The following SRGAP2 variants were observed in gnomAD, a reference collection of about 807,000 sequenced individuals.
The protein encoded by SRGAP2 is SLIT-ROBO Rho GTPase-activating protein 2.
A neutral mutation model predicts 57.2 loss-of-function variants in SRGAP2; 15 were observed. That is an observed-to-expected ratio of 0.26 (90% CI 0.18 to 0.40). The LOEUF is 0.40. SRGAP2 is among the 10% of genes least tolerant of loss of function. The pLI, the probability that SRGAP2 is intolerant of heterozygous loss-of-function variation, is 1.00. For missense variants in SRGAP2, 520 were observed against 669.6 expected (o/e 0.78, Z 2.47); for synonymous variants, 249 against 248.0 (o/e 1.00, Z -0.04).
At position 206,372,989 on chromosome 1, in the gene SRGAP2, CTTTCTTTCTT is replaced by C. The variant is rs1553342976; in HGVS notation, c.424-11023_424-11014del. On this transcript the variant is annotated intron_variant, in intron 4 of 22. Transcript: ENST00000573034. ...CCTTTCTTTCTTTCTTTCTTTCTTTCTTTCTTTCTTTCTTTCTTTCTTTCTTTCTTTCTTT... is the reference window on the plus strand; with the variant it reads ...CCTTTCTTTCTTTCTTTCTTTCTTTCTCTTTCTTTCTTTCTTTCTTTCTTT... Among the ~76,000 whole-genome samples, 103 of 91,412 alleles carry C rather than the reference CTTTCTTTCTT, an allele frequency of 1.1e-3. 4 individuals carry two copies. Among genetic ancestry groups the C allele is most frequent in the African/African-American group, 4.6e-3 (102 of 21,948 alleles). The allele number at this position is 91,412 out of a possible 152,430, so 60.0% of individuals were successfully genotyped here.
chr1:206,366,647 A>G (rs1654040627), intron 4 of SRGAP2, among the ~76,000 whole-genome samples: 1 of 152,132 alleles, frequency 6.6e-6, no homozygotes, highest in Non-Finnish European at 1.5e-5. Flanking sequence ...GAAGGGATCA[A>G]GAAGCGATTT....
chr1:206,454,968 G>T lies in SRGAP2; in HGVS notation c.2451G>T (p.Gly817=), dbSNP rs375957634. Reference sequence around the variant, plus strand: ...AAGAAAAGGTGACAGCCAGAGCGGGGGCCAGCTGTCCCAGTGGGGGTCATG... The same window carrying T: ...AAGAAAAGGTGACAGCCAGAGCGGGTGCCAGCTGTCCCAGTGGGGGTCATG... ...PPEEKVTARA[G]ASCPSGGHVA... The change falls in exon 21 of 23, where the codon GGG becomes GGT. Residue 817 remains glycine, a synonymous_variant. Coordinates refer to ENST00000573034, the MANE Select transcript of SRGAP2 (RefSeq NM_015326.5). The surrounding 1 kb of genome is among the most constrained non-coding windows in gnomAD (Gnocchi z 4.3). The T allele has an allele frequency of 1.5e-5, 12 of 780,848 alleles. No homozygotes were observed. In the African/African-American group the frequency reaches 2.0e-4, roughly 13 times the overall value. 48.4% of individuals were successfully genotyped at this position (780,848 alleles called of 1,614,324 possible).
intron 2 of SRGAP2, among the ~76,000 whole-genome samples, chr1:206,239,995 G>A (rs1237787920): frequency 2.0e-5 from 3 of 151,652 alleles, no homozygotes; most frequent in African/African-American, 4.9e-5. Flanking sequence ...GCCAGGCACG[G>A]TGGCTCACGC....
intron 2 of SRGAP2, among the ~76,000 whole-genome samples, chr1:206,267,350 G>A (rs1190484690): frequency 1.3e-5 from 2 of 151,662 alleles, no homozygotes; most frequent in Non-Finnish European, 2.9e-5. Context: ...CTTTGGCTTT[G>A]GGTTGCTATT....
intron 2 of SRGAP2, among the ~76,000 whole-genome samples, chr1:206,291,543 A>C (rs1671320335): frequency 6.6e-6 from 1 of 151,836 alleles, no homozygotes; most frequent in African/African-American, 2.4e-5. Flanking sequence ...TTAAAATCCA[A>C]GTTTTTCTGA....
intron 2 of SRGAP2, among the ~76,000 whole-genome samples, chr1:206,281,295 T>C (rs1252590067): frequency 4.2e-5 from 6 of 142,924 alleles, no homozygotes; most frequent in South Asian, 2.1e-4. Context: ...GGTTTTTTTT[T>C]CTAAAATTTG....
intron 13 of SRGAP2, among the ~76,000 whole-genome samples, chr1:206,424,058 G>T (rs2103260359): frequency 6.7e-6 from 1 of 150,170 alleles, no homozygotes; most frequent in Non-Finnish European, 1.5e-5. Context: ...CTCCCAAAGT[G>T]CTGGGATTAT....
chr1:206,214,030 G>C (rs1666483570), intron 2 of SRGAP2, among the ~76,000 whole-genome samples: 1 of 143,850 alleles, frequency 7.0e-6, no homozygotes, highest in Admixed American at 6.8e-5. Context: ...AGAGGGGCTA[G>C]AGGCTCCCAC....
chr1:206,420,866 T>C (rs1660240808), intron 12 of SRGAP2, among the ~76,000 whole-genome samples: 1 of 152,198 alleles, frequency 6.6e-6, no homozygotes, highest in African/African-American at 2.4e-5. Context: ...AAGCATCCTT[T>C]GGTGTTTCCC....
At chr1:206,455,326 G>T in intron 21 of SRGAP2, 1 of 406,734 alleles carries the variant, frequency 2.5e-6, no homozygotes, top group Non-Finnish European at 4.5e-6. Context: ...CTAAAACTTT[G>T]ACCAAAGCTT....
At position 206,442,288 on chromosome 1, in the gene SRGAP2, C is replaced by A. The variant is rs528196332; in HGVS notation, c.1874+2207C>A. On this transcript the variant is annotated intron_variant, in intron 17 of 22. Transcript: ENST00000573034. ...GGCCCTGACTCAGCACCACCACTGC[C>A]TTTGGGTTGAACACCCCAGTGAGTC... is the stretch of plus-strand genomic sequence containing the variant. 2.6e-5 allele frequency among the ~76,000 whole-genome samples: 4 copies of A among 152,324 alleles called. No homozygotes were observed. In the South Asian group the frequency reaches 8.3e-4, roughly 32 times the overall value.
chr1:206,273,890 G>C (rs1265711676), intron 2 of SRGAP2, among the ~76,000 whole-genome samples: 3 of 150,516 alleles, frequency 2.0e-5, no homozygotes, highest in African/African-American at 7.4e-5. Flanking sequence ...GACGTTGTGG[G>C]ACCAGGAGCT....
At chr1:206,337,864 A>G (rs1254867167) in intron 3 of SRGAP2, among the ~76,000 whole-genome samples, 44 of 147,334 alleles carry the variant, frequency 3.0e-4, no homozygotes, top group Admixed American at 6.1e-4. Context: ...AGAGAGGCCA[A>G]CTTGGACCTT....
At chr1:206,413,143 G>C (rs1317577070) in intron 10 of SRGAP2, among the ~76,000 whole-genome samples, 5 of 152,220 alleles carry the variant, frequency 3.3e-5, no homozygotes, top group Non-Finnish European at 7.3e-5. Context: ...GAAGGAATTT[G>C]TATCCATCTC....
At chr1:206,445,461 A>G in intron 17 of SRGAP2, among the ~76,000 whole-genome samples, 1 of 152,250 alleles carries the variant, frequency 6.6e-6, no homozygotes, top group Non-Finnish European at 1.5e-5. Flanking sequence ...ATCTAGAAGG[A>G]GATTATGAAC....
At chr1:206,325,408 A>G (rs1673807903) in intron 3 of SRGAP2, among the ~76,000 whole-genome samples, 1 of 151,412 alleles carries the variant, frequency 6.6e-6, no homozygotes, top group African/African-American at 2.4e-5. Context: ...TAATGGCGCC[A>G]TCTTGGCTCA....
intron 2 of SRGAP2, among the ~76,000 whole-genome samples, chr1:206,210,886 C>G (rs1666274389): frequency 6.6e-6 from 1 of 151,618 alleles, no homozygotes; most frequent in African/African-American, 2.4e-5. Flanking sequence ...GTCCCTTGCT[C>G]AGGGGAAAAA....
chr1:206,249,107 A>C (rs1325068814), intron 2 of SRGAP2, among the ~76,000 whole-genome samples: 3 of 151,990 alleles, frequency 2.0e-5, no homozygotes, highest in African/African-American at 7.2e-5. Flanking sequence ...GTTTCCTTTA[A>C]CATGCCAGGC....
chr1:206,358,328 A>C (rs1676617437), intron 4 of SRGAP2, among the ~76,000 whole-genome samples: 1 of 149,162 alleles, frequency 6.7e-6, no homozygotes, highest in South Asian at 2.1e-4. Flanking sequence ...GGTTGTGTTC[A>C]TGCAGAAGAG....
Sources: allele counts gnomAD v4.1 joint callset (sites outside exome capture counted in the v4.1 genomes callset), GRCh38; gene constraint gnomAD v4.1.1; non-coding constraint Gnocchi (gnomAD v3.1); transcripts MANE v1.5; gene names NCBI Gene and HGNC (gene_info 2026-07-23, HGNC 2026-07-21).